The following TLE2 variants were observed in gnomAD, a reference collection of about 807,000 sequenced individuals.
TLE2 encodes transducin-like enhancer protein 2.
In TLE2, 74 loss-of-function variants were observed where a neutral mutation model predicts 97.2. That is an observed-to-expected ratio of 0.76 (90% CI 0.63 to 0.92). TLE2 has a LOEUF of 0.92. TLE2 is among the 40% of genes least tolerant of loss of function. The probability of loss-of-function intolerance (pLI) is 0.00; values close to 1 mark genes in which losing one functional copy is unlikely to be tolerated. For missense variants in TLE2, 1,038 were observed against 1,008.7 expected (o/e 1.03, Z -0.39); for synonymous variants, 499 against 432.1 (o/e 1.15, Z -1.92).
rs2089999296 is a variant in TLE2, at chr19:3,029,273, G to A, written c.-369C>T. On this transcript the variant is annotated 5_prime_UTR_variant, in exon 1 of 20. Transcript: ENST00000262953. The stretch of plus-strand genomic sequence containing the variant: ...GCGCGGAGCCGCCTCCCTCCGGCGG[G>A]GCTCGGCCGGGAGCCGCGGGCTGAG... 2 of 215,698 alleles carry A rather than the reference G, an allele frequency of 9.3e-6. No individual in the cohort carries two copies. Among genetic ancestry groups the A allele is most frequent in the Non-Finnish European group, 1.5e-5 (2 of 130,224 alleles). 13.4% of individuals were successfully genotyped at this position (215,698 alleles called of 1,614,324 possible).
chr19:3,020,230 T>C (rs10416487), intron 5 of TLE2: 83,851 of 163,518 alleles, frequency 0.51, 23,416 homozygotes, highest in African/African-American at 0.75. Flanking sequence ...AGCGAGACTC[T>C]GTCTCAAGAA....
intron 1 of TLE2, among the ~76,000 whole-genome samples, chr19:3,038,657 C>T (rs1473502337): frequency 6.6e-6 from 1 of 152,234 alleles, no homozygotes; most frequent in African/African-American, 2.4e-5. Context: ...CCTGTAATCC[C>T]AGCACTTTGG....
At chr19:3,012,047 C>T (rs2089608986) in intron 11 of TLE2, among the ~76,000 whole-genome samples, 1 of 151,990 alleles carries the variant, frequency 6.6e-6, no homozygotes, top group Admixed American at 6.6e-5. Context: ...GAGATCTAGA[C>T]CATCCTGGCT....
At chr19:3,039,542 G>A (rs1344270361) in intron 1 of TLE2, among the ~76,000 whole-genome samples, 1 of 152,120 alleles carries the variant, frequency 6.6e-6, no homozygotes, top group East Asian at 1.9e-4. Context: ...GGCCAGCCTG[G>A]CTAGAGTAGC....
At chr19:3,025,649 G>T (rs2089930502) in intron 4 of TLE2, 4 of 982,970 alleles carry the variant, frequency 4.1e-6, no homozygotes, top group Middle Eastern at 5.2e-4. Flanking sequence ...CCCCAAAGAG[G>T]CTGAGCAGAC....
At chr19:3,013,962 C>T in intron 10 of TLE2, 144 bp from the exon 11 acceptor site, 1 of 828,388 alleles carries the variant, frequency 1.2e-6, no homozygotes. Context: ...TCTTCTGCTG[C>T]CTCAGTTTAC....
At chr19:3,013,061 G>A (rs770441075) in intron 11 of TLE2, among the ~76,000 whole-genome samples, 1 of 152,106 alleles carries the variant, frequency 6.6e-6, no homozygotes, top group African/African-American at 2.4e-5. Context: ...CCTTGAAACC[G>A]GGAGGGGAGG....
At chr19:3,033,488 G>T (rs1410440275), upstream of TLE2, among the ~76,000 whole-genome samples, 2 of 152,064 alleles carry the variant, frequency 1.3e-5, no homozygotes, top group African/African-American at 4.8e-5. Flanking sequence ...TTTTAGTAGA[G>T]ACATGGTTTC....
rs1005829482 is a variant in TLE2, at chr19:3,029,106, G to C, written c.-202C>G. ...CCGGGGTCGTGGGAGCCCCTCCCCG[G>C]GTTGGGGTGCGCGGGGCGAGCGGGG... On this transcript the variant is annotated 5_prime_UTR_variant, in exon 1 of 20. Coordinates refer to ENST00000262953, the MANE Select transcript of TLE2 (RefSeq NM_003260.5). 1.4e-5 allele frequency: 17 copies of C among 1,204,978 alleles called. No homozygotes were observed. The highest frequency in any genetic ancestry group is 1.8e-5 in the Non-Finnish European group (17 of 969,048). 74.6% of individuals were successfully genotyped at this position (1,204,978 alleles called of 1,614,324 possible).
rs866418184 is a variant in TLE2 at position 3,011,082 on chromosome 19, T to C, written c.952A>G (p.Ser318Gly). The change falls in exon 12 of 20, where the codon AGC (serine) becomes GGC (glycine). Residue 318 changes from serine (S) to glycine (G), a missense_variant. Ser to Gly is a moderately conservative substitution (Grantham distance 56). Coordinates refer to ENST00000262953, the MANE Select transcript of TLE2 (RefSeq NM_003260.5). ...PPQDASTPGP[S>G]SASHLCQLAA... is the part of the protein sequence containing the mutation. ...AGCTGGCAGAGGTGACTGGCCGAGCTGGGCCCGGGGGTGGAAGCGTCCTGG... is the reference window on the plus strand; with the variant it reads ...AGCTGGCAGAGGTGACTGGCCGAGCCGGGCCCGGGGGTGGAAGCGTCCTGG... The C allele has an allele frequency of 1.2e-6, 2 of 1,610,126 alleles. No homozygotes were observed. Among genetic ancestry groups the C allele is most frequent in the Middle Eastern group, 4.0e-4 (2 of 4,990 alleles).
At chr19:3,006,051 G>C (rs1237801385) in intron 15 of TLE2, 83 bp from the exon 16 acceptor site, 13 of 1,512,220 alleles carry the variant, frequency 8.6e-6, no homozygotes, top group Non-Finnish European at 1.2e-5. Flanking sequence ...GGGGTCTCTG[G>C]AGCCCAATGT....
Position 3,009,666 on chromosome 19 carries a change from G to A in TLE2, c.1049C>T (p.Thr350Ile). 2 of 1,613,028 alleles carry A rather than the reference G, an allele frequency of 1.2e-6. No homozygotes were observed. The highest frequency in any genetic ancestry group is 2.2e-5 in the South Asian group (2 of 90,770). Residue 350 changes from threonine (T) to isoleucine (I), a missense_variant, in exon 13 of 20, where the codon ACC becomes ATC. Physicochemically the swap from Thr to Ile is moderately conservative, Grantham distance 89. Coordinates refer to ENST00000262953, the MANE Select transcript of TLE2 (RefSeq NM_003260.5). ...GTGGGAGCCCAGGCTGAAGGACGTG[G>A]TGAAGGGACTGGACAGAGTCAGGGG... ...RSPLTLSSPF[T>I]TSFSLGSHST...
chr19:3,029,383 G>C (rs187606085), upstream of TLE2, among the ~76,000 whole-genome samples: 49 of 139,508 alleles, frequency 3.5e-4, no homozygotes, highest in East Asian at 8.8e-4. Context: ...CCGCGCCCGC[G>C]CCCCCCCCGG....
At chr19:3,014,402 A>AG (rs1324279182) in intron 10 of TLE2, among the ~76,000 whole-genome samples, 168 bp downstream of exon 10, 6 of 152,062 alleles carry the variant, frequency 3.9e-5, no homozygotes, top group Admixed American at 3.9e-4. Flanking sequence ...AGTGGAGAGG[A>AG]GGTCGGCCAG....
At chr19:3,035,886 G>C (rs558156089) in intron 1 of TLE2, among the ~76,000 whole-genome samples, 5 of 151,974 alleles carry the variant, frequency 3.3e-5, no homozygotes, top group Admixed American at 6.5e-5. Flanking sequence ...ATTGGAGGAG[G>C]GGGGGCTAAG....
chr19:2,999,995 T>G (rs987342391), intron 19 of TLE2, among the ~76,000 whole-genome samples: 8 of 149,432 alleles, frequency 5.4e-5, no homozygotes, highest in Non-Finnish European at 1.2e-4. Context: ...ATCGCAACAC[T>G]GCACTCCAGC....
chr19:3,030,509 G>A (rs889435618), upstream of TLE2, among the ~76,000 whole-genome samples: 3 of 152,190 alleles, frequency 2.0e-5, no homozygotes, highest in African/African-American at 7.2e-5. Context: ...ACAAAACAGA[G>A]AAAAATCCAT....
Position 3,000,727 on chromosome 19 carries a change from G to T in TLE2, c.2048-4C>A, listed in dbSNP as rs767663886. 2 of 1,579,830 alleles carry T rather than the reference G, an allele frequency of 1.3e-6. No individual in the cohort carries two copies. ...CCGGTGCTCACAAACCACCGTCCTT[G>T]GGGAAGGAGAGCAGCAGGGTTCAAG... is the stretch of plus-strand genomic sequence containing the variant. On this transcript the variant is annotated splice_region_variant and splice_polypyrimidine_tract_variant and intron_variant, in intron 18 of 19. Transcript: ENST00000262953.
At chr19:2,998,955 A>C (rs1488502240) in intron 19 of TLE2, among the ~76,000 whole-genome samples, 1 of 152,206 alleles carries the variant, frequency 6.6e-6, no homozygotes, top group South Asian at 2.1e-4. Flanking sequence ...CCTAAAGTCT[A>C]AATAAGTCCA....
Sources: allele counts gnomAD v4.1 joint callset (sites outside exome capture counted in the v4.1 genomes callset), GRCh38; gene constraint gnomAD v4.1.1; transcripts MANE v1.5; gene names NCBI Gene and HGNC (gene_info 2026-07-23, HGNC 2026-07-21).